KAZN: variants seen among roughly 807,000 people sequenced by gnomAD.
KAZN encodes kazrin, periplakin interacting protein.
A neutral mutation model predicts 87.4 loss-of-function variants in KAZN; 40 were observed. The observed-to-expected ratio is 0.46, with a 90% CI of 0.36 to 0.60. The LOEUF (loss-of-function observed/expected upper bound fraction) is 0.60, where lower values mean the gene tolerates loss of function less well. Ranked by LOEUF, KAZN falls within the 20% of genes least tolerant of loss-of-function variation. KAZN has a pLI of 0.00. For synonymous variants in KAZN, 466 were observed against 458.3 expected, an observed-to-expected ratio of 1.02 and a Z score of -0.22; for missense variants, 898 against 1,073.9, an observed-to-expected ratio of 0.84 and a Z score of 2.29.
intron 1 of KAZN, among the ~76,000 whole-genome samples, chr1:14,053,969 CTCTT>C (rs1642444960): frequency 6.6e-6 from 1 of 152,134 alleles, no homozygotes. Context: ...AATAGATTGA[CTCTT>C]TATTAAGTGG....
chr1:14,658,573 G>T (rs1638946284), intron 1 of KAZN, among the ~76,000 whole-genome samples: 1 of 152,106 alleles, frequency 6.6e-6, no homozygotes, highest in Admixed American at 6.5e-5. Flanking sequence ...AGTCTTTTGA[G>T]AATCTGATAA....
chr1:14,144,332 A>G (rs1645301454), intron 1 of KAZN, among the ~76,000 whole-genome samples: 1 of 152,184 alleles, frequency 6.6e-6, no homozygotes, highest in Admixed American at 6.5e-5. Context: ...TTGGTGGACC[A>G]CATCTTCCAG....
chr1:14,757,698 C>A (rs535967196), intron 1 of KAZN, among the ~76,000 whole-genome samples: 22 of 152,282 alleles, frequency 1.4e-4, no homozygotes, highest in African/African-American at 5.1e-4. Context: ...TCGCAGTAGT[C>A]CCCTGGCACT....
At chr1:14,012,821 C>A (rs1363244483) in intron 1 of KAZN, among the ~76,000 whole-genome samples, 1 of 152,176 alleles carries the variant, frequency 6.6e-6, no homozygotes, top group East Asian at 1.9e-4. Flanking sequence ...AAAGAGAGAA[C>A]CTGTCTCAAA....
intron 1 of KAZN, among the ~76,000 whole-genome samples, chr1:14,814,201 A>G (rs933752590): frequency 2.0e-5 from 3 of 152,074 alleles, no homozygotes; most frequent in Non-Finnish European, 4.4e-5. Context: ...AATATGACAC[A>G]TGGTCAAAGA....
chr1:14,518,043 C>A (rs1173028246), intron 2 of KAZN, among the ~76,000 whole-genome samples: 1 of 152,184 alleles, frequency 6.6e-6, no homozygotes, highest in Non-Finnish European at 1.5e-5. Flanking sequence ...TGGGTTCAAG[C>A]CCAAGGTCTG....
chr1:13,922,213 C>T (rs1640094790), intron 1 of KAZN, among the ~76,000 whole-genome samples: 1 of 152,146 alleles, frequency 6.6e-6, no homozygotes. Flanking sequence ...TCTGTCTATT[C>T]TTTACAGATC....
At chr1:14,834,978 A>G (rs1301604702) in intron 1 of KAZN, among the ~76,000 whole-genome samples, 2 of 152,238 alleles carry the variant, frequency 1.3e-5, no homozygotes, top group Non-Finnish European at 2.9e-5. Flanking sequence ...CGCTAAAAAA[A>G]GAGTAGGTTC....
At chr1:14,287,029 A>G (rs533829185) in intron 2 of KAZN, among the ~76,000 whole-genome samples, 1 of 152,298 alleles carries the variant, frequency 6.6e-6, no homozygotes, top group South Asian at 2.1e-4. Flanking sequence ...TGAGTTTTGT[A>G]TATGCTAATA....
chr1:14,938,205 C>T (rs1660665701), intron 1 of KAZN, among the ~76,000 whole-genome samples: 1 of 152,122 alleles, frequency 6.6e-6, no homozygotes, highest in African/African-American at 2.4e-5. Flanking sequence ...GGGGTGCTAG[C>T]CCTATCTAGT....
intron 1 of KAZN, among the ~76,000 whole-genome samples, chr1:13,895,718 A>T (rs1210540136): frequency 6.6e-6 from 1 of 152,170 alleles, no homozygotes; most frequent in Admixed American, 6.5e-5. Flanking sequence ...AGGGGTTTAC[A>T]GCTGGGTGAA....
chr1:14,191,887 C>A (rs1321123128), intron 2 of KAZN, among the ~76,000 whole-genome samples: 2 of 152,140 alleles, frequency 1.3e-5, no homozygotes, highest in African/African-American at 4.8e-5. Flanking sequence ...CCCTCCAGAG[C>A]TATCCTAGAG....
At chr1:14,896,507 A>G (rs1655292519) in intron 1 of KAZN, among the ~76,000 whole-genome samples, 1 of 152,202 alleles carries the variant, frequency 6.6e-6, no homozygotes, top group Admixed American at 6.5e-5. Context: ...TTTTGGTTAA[A>G]TTGGCTGGAA....
chr1:15,037,681 G>C (rs1360847293), intron 3 of KAZN, among the ~76,000 whole-genome samples: 1 of 151,986 alleles, frequency 6.6e-6, no homozygotes. Context: ...CCCCTCTGCC[G>C]GCCCCTCACC....
At chr1:14,262,173 G>C (rs574583113) in intron 2 of KAZN, among the ~76,000 whole-genome samples, 1 of 152,242 alleles carries the variant, frequency 6.6e-6, no homozygotes. Flanking sequence ...CAGCACTTTG[G>C]GAAGCTGAGA....
At chr1:14,443,190 A>G (rs1571659888) in intron 2 of KAZN, among the ~76,000 whole-genome samples, 2 of 152,196 alleles carry the variant, frequency 1.3e-5, no homozygotes, top group South Asian at 2.1e-4. Flanking sequence ...TTTATTTTGT[A>G]TTGTTTTGTT....
At chr1:14,146,233 A>T (rs1645345755) in intron 1 of KAZN, among the ~76,000 whole-genome samples, 1 of 151,736 alleles carries the variant, frequency 6.6e-6, no homozygotes, top group Admixed American at 6.6e-5. Context: ...TCCATAAATA[A>T]CTTTTAATGA....
intron 2 of KAZN, among the ~76,000 whole-genome samples, chr1:14,589,455 A>G (rs929945709): frequency 1.3e-5 from 2 of 152,174 alleles, no homozygotes; most frequent in African/African-American, 4.8e-5. Flanking sequence ...CCTTCCAATT[A>G]TGCATACAAC....
chr1:14,204,484 G>A (rs1329606117), intron 2 of KAZN, among the ~76,000 whole-genome samples: 1 of 152,174 alleles, frequency 6.6e-6, no homozygotes, highest in East Asian at 1.9e-4. Flanking sequence ...ATTAAGTTAT[G>A]ACAGATTAAA....
Sources: gnomAD v4.1 joint callset for allele counts (sites outside exome capture counted in the v4.1 genomes callset) on GRCh38, gnomAD v4.1.1 for gene constraint, MANE v1.5 for transcripts, NCBI Gene and HGNC (gene_info 2026-07-23, HGNC 2026-07-21) for gene names.